The following WDR87 variants were observed in gnomAD, a reference collection of about 807,000 sequenced individuals.
WDR87 encodes WD repeat domain 87.
WDR87 carries 56 observed loss-of-function variants against 83.3 expected under a neutral mutation model. That is an observed-to-expected ratio of 0.67 (90% CI 0.54 to 0.84). The LOEUF (loss-of-function observed/expected upper bound fraction) is 0.84, where lower values mean the gene tolerates loss of function less well. Ranked by LOEUF, WDR87 falls within the 40% of genes least tolerant of loss-of-function variation. The pLI, the probability that WDR87 is intolerant of heterozygous loss-of-function variation, is 0.00. For missense variants in WDR87, 2,939 were observed against 3,431.9 expected (o/e 0.86, Z 3.59); for synonymous variants, 1,173 against 1,250.6 (o/e 0.94, Z 1.31).
At position 37,888,427 on chromosome 19, in the gene WDR87, C is replaced by T. The variant is rs183183108; in HGVS notation, c.5244G>A (p.Trp1748Ter). ...ATTCCTGGGCCAGCTCCTTTTCTTG[C>T]CAGTCCAGATTTTGTTCCCTCTGGG... ...ELPQREQNLD[W>*]QEKELAQELE... Residue 1748 changes from tryptophan to a stop codon, truncating the protein, a stop_gained, in exon 6 of 6, where the codon TGG becomes TGA. Coordinates refer to ENST00000447313, the MANE Select transcript of WDR87 (RefSeq NM_001291088.2). LOFTEE classifies it low-confidence loss of function (END_TRUNC). The T allele has an allele frequency of 3.9e-5, 61 of 1,552,170 alleles. No homozygotes were observed. Among genetic ancestry groups the T allele is most frequent in the Non-Finnish European group, 5.3e-5 (61 of 1,147,094 alleles).
In WDR87 at chr19:37,892,839, G is replaced by T. The variant is rs1216813173; in HGVS notation, c.2864C>A (p.Pro955Gln). The T allele has an allele frequency of 2.3e-5, 35 of 1,551,824 alleles. No homozygotes were observed. The highest frequency in any genetic ancestry group is 3.1e-5 in the Non-Finnish European group (35 of 1,147,016). ...GQIFASYQVS[P>Q]ALRSETARRL... ...ACGGGCTGTCTCAGAGCGTAGGGCTGGGGACACCTGGTAAGAGGCAAAGAT... is the reference window on the plus strand; with the variant it reads ...ACGGGCTGTCTCAGAGCGTAGGGCTTGGGACACCTGGTAAGAGGCAAAGAT... The change falls in exon 4 of 6, where the codon CCA (proline) becomes CAA (glutamine). Residue 955 changes from proline to glutamine, a missense_variant. This residue lies in a region of WDR87 where 2,160 missense variants were observed against 2,533.1 expected (regional missense o/e 0.85). Coordinates refer to ENST00000447313, the MANE Select transcript of WDR87 (RefSeq NM_001291088.2).
Position 37,898,220 on chromosome 19 carries a change from A to G in WDR87, c.20T>C (p.Ile7Thr). The stretch of plus-strand genomic sequence containing the variant: ...GAGTTTTAAATCTTTCCACAGGGGA[A>G]TGAGCCTGGGGGAAGACATCACCGT... MSSPRL[I>T]PLWKDLKLLL... The change falls in exon 2 of 6, where the codon ATT becomes ACT. Residue 7 changes from isoleucine to threonine, a missense_variant. By Grantham distance (89) the Ile-to-Thr change is moderately conservative. Around this residue, in one of 3 missense-constraint regions of WDR87, gnomAD observed 226 missense variants for 320.9 expected, o/e 0.70. Coordinates refer to ENST00000447313, the MANE Select transcript of WDR87 (RefSeq NM_001291088.2). 2.6e-6 allele frequency: 4 copies of G among 1,551,692 alleles called. No homozygotes were observed. Among genetic ancestry groups the G allele is most frequent in the Non-Finnish European group, 3.5e-6 (4 of 1,146,966 alleles).
At position 37,886,515 on chromosome 19, in the gene WDR87, C is replaced by A. The variant is rs758097377; in HGVS notation, c.7156G>T (p.Glu2386Ter). 2.7e-6 allele frequency: 4 copies of A among 1,503,798 alleles called. No homozygotes were observed. In the South Asian group the frequency reaches 4.1e-5, roughly 15 times the overall value. The allele number at this position is 1,503,798 out of a possible 1,614,324, so 93.2% of individuals were successfully genotyped here. A position where few individuals can be genotyped will look rare whatever the true frequency, so the allele number is the denominator to read the frequency against. Residue 2386 changes from glutamate (E) to a stop codon, truncating the protein, a stop_gained, in exon 6 of 6, where the codon GAA (glutamate) becomes TAA (stop). Coordinates refer to ENST00000447313, the MANE Select transcript of WDR87 (RefSeq NM_001291088.2). LOFTEE classifies it low-confidence loss of function (END_TRUNC). Reference sequence around the variant, plus strand: ...TGTTCTTGTAACTTAAATTGTTTTTCTTTTTTTAAGATCTCTTTTTCCCTG... The same window carrying A: ...TGTTCTTGTAACTTAAATTGTTTTTATTTTTTTAAGATCTCTTTTTCCCTG... ...VDREKEILKK[E>*]KQFKLQEQRR...
chr19:37,896,840 G>C (rs1048700240), intron 2 of WDR87, among the ~76,000 whole-genome samples: 4 of 152,074 alleles, frequency 2.6e-5, no homozygotes, highest in African/African-American at 4.8e-5. Flanking sequence ...CGCTGGTCTT[G>C]AACTCCAGAC....
At position 37,885,203 on chromosome 19, in the gene WDR87, T is replaced by C. The variant is rs1479789804; in HGVS notation, c.8468A>G (p.Gln2823Arg). Residue 2823 changes from glutamine (Q) to arginine (R), a missense_variant, in exon 6 of 6, where the codon CAA (glutamine) becomes CGA (arginine). Coordinates refer to ENST00000447313, the MANE Select transcript of WDR87 (RefSeq NM_001291088.2). ...TAGGGCCTCTTCGTAGATGATCTCT[T>C]GGGGTTGAGGTTCCTCTCTCATTAG... Reference protein sequence around the residue: ...ELLMREEPQPQEIIYEEALKA... With the variant: ...ELLMREEPQPREIIYEEALKA... 6.7e-7 allele frequency: 1 copy of C among 1,482,664 alleles called. No homozygotes were observed. The allele number at this position is 1,482,664 out of a possible 1,614,324, so 91.8% of individuals were successfully genotyped here. A position where few individuals can be genotyped will look rare whatever the true frequency, so the allele number is the denominator to read the frequency against.
intron 5 of WDR87, 40 bp downstream of exon 5, chr19:37,891,512 T>C: frequency 6.5e-7 from 1 of 1,545,136 alleles, no homozygotes; most frequent in Non-Finnish European, 8.7e-7. Context: ...CCCTGCCTCT[T>C]GGGGACCCTG....
rs2046135333 is a variant in WDR87, at chr19:37,885,447, A to G, written c.8224T>C (p.Phe2742Leu). The G allele has an allele frequency of 6.4e-7, 1 of 1,551,580 alleles. No homozygotes were observed. Among genetic ancestry groups the G allele is most frequent in the Admixed American group, 2.0e-5 (1 of 50,980 alleles). The change falls in exon 6 of 6, where the codon TTT becomes CTT. Residue 2742 changes from phenylalanine (F) to leucine (L), a missense_variant. Physicochemically the swap from Phe to Leu is conservative, Grantham distance 22 (BLOSUM62 0). Transcript: ENST00000447313. ...DFWDFKDKRR[F>L]PKLPKLEKKT... ...TTCTCTAACTTGGGCAGTTTAGGAAACCTGCGTTTATCCTTAAAATCCCAG... is the reference window on the plus strand; with the variant it reads ...TTCTCTAACTTGGGCAGTTTAGGAAGCCTGCGTTTATCCTTAAAATCCCAG...
At position 37,886,835 on chromosome 19, in the gene WDR87, T is replaced by C. The variant is rs2046152418; in HGVS notation, c.6836A>G (p.Gln2279Arg). ...MESLLDELEK[Q>R]ESLSSEEEEE... Reference sequence around the variant, plus strand: ...CTCCTCCTCAGAAGACAAACTCTCTTGCTTTTCTAGTTCATCTAACAGGCT... The same window carrying C: ...CTCCTCCTCAGAAGACAAACTCTCTCGCTTTTCTAGTTCATCTAACAGGCT... Residue 2279 changes from glutamine (Q) to arginine (R), a missense_variant, in exon 6 of 6, where the codon CAA becomes CGA. Physicochemically the swap from Gln to Arg is conservative, Grantham distance 43 (BLOSUM62 1). This residue lies in a region of WDR87 where 2,160 missense variants were observed against 2,533.1 expected (regional missense o/e 0.85). Transcript: ENST00000447313. 6.4e-7 allele frequency: 1 copy of C among 1,550,996 alleles called. No homozygotes were observed. The highest frequency in any genetic ancestry group is 8.7e-7 in the Non-Finnish European group (1 of 1,146,928).
chr19:37,905,300 A>C (rs1447623301), intron 1 of WDR87, among the ~76,000 whole-genome samples: 1 of 151,948 alleles, frequency 6.6e-6, no homozygotes, highest in Non-Finnish European at 1.5e-5. Context: ...ACTTGGAATA[A>C]TATTTTGGAT....
Position 37,889,840 on chromosome 19 carries a change from A to G in WDR87, c.3831T>C (p.Asp1277=). The change falls in exon 6 of 6, where the codon GAT becomes GAC. Residue 1277 remains aspartate, a synonymous_variant. Transcript: ENST00000447313. ...GISGRRSTAG[D]GSSWRDDLCR... ...ATAGATCGTCCCTCCATGATGAGCCATCTCCAGCGGTTGACCTGCGGCCAG... is the reference window on the plus strand; with the variant it reads ...ATAGATCGTCCCTCCATGATGAGCCGTCTCCAGCGGTTGACCTGCGGCCAG... 1 of 1,551,792 alleles carries G rather than the reference A, an allele frequency of 6.4e-7. No individual in the cohort carries two copies. Among genetic ancestry groups the G allele is most frequent in the Non-Finnish European group, 8.7e-7 (1 of 1,147,018 alleles).
chr19:37,896,155 T>C lies in WDR87; in HGVS notation c.229A>G (p.Asn77Asp). ...FFASLSWVTS[N>D]TKEIQAVAWM... ...AGTCTTACTTGTATTTCTTTTGTGT[T>C]TGATGTCACCCAAGAGAGGGAGGCG... is the stretch of plus-strand genomic sequence containing the variant. The change falls in exon 3 of 6, where the codon AAC (asparagine) becomes GAC (aspartate). Residue 77 changes from asparagine to aspartate, a missense_variant. Around this residue, in one of 3 missense-constraint regions of WDR87, gnomAD observed 226 missense variants for 320.9 expected, o/e 0.70. Transcript: ENST00000447313. 5.2e-6 allele frequency: 8 copies of C among 1,552,292 alleles called. No individual in the cohort carries two copies. The highest frequency in any genetic ancestry group is 7.0e-6 in the Non-Finnish European group (8 of 1,147,116).
chr19:37,889,497 T>C lies in WDR87; in HGVS notation c.4174A>G (p.Lys1392Glu). 6.4e-7 allele frequency: 1 copy of C among 1,551,790 alleles called. No homozygotes were observed. The highest frequency in any genetic ancestry group is 8.7e-7 in the Non-Finnish European group (1 of 1,147,024). Residue 1392 changes from lysine to glutamate, a missense_variant, in exon 6 of 6, where the codon AAA becomes GAA. Coordinates refer to ENST00000447313, the MANE Select transcript of WDR87 (RefSeq NM_001291088.2). ...MPREEEQAQK[K>E]ARDMLGLEET... ...TCCAAGCCCAGCATGTCTCTTGCTT[T>C]CTTTTGTGCTTGTTCTTCTTCCCTT...
chr19:37,891,882 G>A, intron 4 of WDR87, 62 bp from the exon 5 acceptor site: 1 of 1,510,046 alleles, frequency 6.6e-7, no homozygotes, highest in Non-Finnish European at 8.9e-7. Flanking sequence ...AGAATGGGAA[G>A]CAAAAAACGG....
At position 37,898,163 on chromosome 19, in the gene WDR87, A is replaced by C; in HGVS notation, c.75+2T>G. 1 of 1,551,670 alleles carries C rather than the reference A, an allele frequency of 6.4e-7. No individual in the cohort carries two copies. Among genetic ancestry groups the C allele is most frequent in the Non-Finnish European group, 8.7e-7 (1 of 1,146,950 alleles). ...TATGTTTATGTCCTACATATACATT[A>C]CCTTGCTTTTATTTATGGTGTCATT... On this transcript the variant is annotated splice_donor_variant, in intron 2 of 5. Coordinates refer to ENST00000447313, the MANE Select transcript of WDR87 (RefSeq NM_001291088.2). LOFTEE classifies it high-confidence loss of function.
chr19:37,902,265 A>T (rs1255561950), intron 1 of WDR87, among the ~76,000 whole-genome samples: 1 of 151,664 alleles, frequency 6.6e-6, no homozygotes, highest in Non-Finnish European at 1.5e-5. Flanking sequence ...CCCAGGCTGG[A>T]GTGCCGTGGC....
In WDR87 at chr19:37,888,489, C is replaced by G. The variant is rs1355127805; in HGVS notation, c.5182G>C (p.Val1728Leu). 6.4e-7 allele frequency: 1 copy of G among 1,551,774 alleles called. No homozygotes were observed. Among genetic ancestry groups the G allele is most frequent in the Non-Finnish European group, 8.7e-7 (1 of 1,147,018 alleles). The change falls in exon 6 of 6, where the codon GTG becomes CTG. Residue 1728 changes from valine (V) to leucine (L), a missense_variant. By Grantham distance (32) the Val-to-Leu change is conservative. Transcript: ENST00000447313. Reference sequence around the variant, plus strand: ...ACTTTCTGGGCCAATATGTTTTTCACCTCAGCCAGTTTCCCTCCTTTCTTT... The same window carrying G: ...ACTTTCTGGGCCAATATGTTTTTCAGCTCAGCCAGTTTCCCTCCTTTCTTT... ...LAKKGGKLAE[V>L]KNILAQKVEE...
chr19:37,887,436 T>C lies in WDR87; in HGVS notation c.6235A>G (p.Arg2079Gly), dbSNP rs1206714139. ...EIAKGKLEFTRGQRIFVQGQR... is the reference protein window; with the variant it reads ...EIAKGKLEFTGGQRIFVQGQR... ...CCCTGGACAAATATTCTCTGTCCTCTAGTAAATTCCAGTTTTCCTTTGGCA... is the reference window on the plus strand; with the variant it reads ...CCCTGGACAAATATTCTCTGTCCTCCAGTAAATTCCAGTTTTCCTTTGGCA... Residue 2079 changes from arginine to glycine, a missense_variant, in exon 6 of 6, where the codon AGA (arginine) becomes GGA (glycine). Physicochemically the swap from Arg to Gly is moderately radical, Grantham distance 125. This residue lies in a region of WDR87 where 2,160 missense variants were observed against 2,533.1 expected (regional missense o/e 0.85). Transcript: ENST00000447313. 6.4e-7 allele frequency: 1 copy of C among 1,551,564 alleles called. No individual in the cohort carries two copies. The highest frequency in any genetic ancestry group is 8.7e-7 in the Non-Finnish European group (1 of 1,146,956).
chr19:37,895,489 C>T lies in WDR87; in HGVS notation c.247-33G>A, dbSNP rs149170782. On this transcript the variant is annotated intron_variant, in intron 3 of 5. Transcript: ENST00000447313. ...AGAATAAGAAGGAAACTGCCTAGGC[C>T]GGGTGAGGTGGTTCATGCCTGTAAT... is the stretch of plus-strand genomic sequence containing the variant. 2,244 of 1,529,890 alleles carry T rather than the reference C, an allele frequency of 1.5e-3. 35 individuals are homozygous for T. The African/African-American group carries it at 0.027, about 19-fold the overall frequency. 94.8% of individuals were successfully genotyped at this position (1,529,890 alleles called of 1,614,324 possible). A position where few individuals can be genotyped will look rare whatever the true frequency, so the allele number is the denominator to read the frequency against.
Position 37,885,227 on chromosome 19 carries a change from A to G in WDR87, c.8444T>C (p.Leu2815Pro), listed in dbSNP as rs536667394. The G allele has an allele frequency of 2.7e-6, 4 of 1,502,536 alleles. No homozygotes were observed. In the South Asian group the frequency reaches 5.4e-5, roughly 20 times the overall value. The allele number at this position is 1,502,536 out of a possible 1,614,324, so 93.1% of individuals were successfully genotyped here. ...TTGGGGTTGAGGTTCCTCTCTCATTAGCAGCTCCTGAAGCAGCTTCTGGAT... is the reference window on the plus strand; with the variant it reads ...TTGGGGTTGAGGTTCCTCTCTCATTGGCAGCTCCTGAAGCAGCTTCTGGAT... ...PRIQKLLQEL[L>P]MREEPQPQEI... The change falls in exon 6 of 6, where the codon CTA becomes CCA. Residue 2815 changes from leucine (L) to proline (P), a missense_variant. Physicochemically the swap from Leu to Pro is moderately conservative, Grantham distance 98. Transcript: ENST00000447313.
Sources: gnomAD v4.1 joint callset for allele counts (sites outside exome capture counted in the v4.1 genomes callset) on GRCh38, gnomAD v4.1.1 for gene constraint, gnomAD v4.1.1 regional missense constraint, MANE v1.5 for transcripts, NCBI Gene and HGNC (gene_info 2026-07-23, HGNC 2026-07-21) for gene names.